PDSS2: variants seen among roughly 807,000 people sequenced by gnomAD.
PDSS2 encodes all trans-polyprenyl-diphosphate synthase PDSS2.
In PDSS2, 31 loss-of-function variants were observed where a neutral mutation model predicts 44.5. The observed-to-expected ratio is 0.70, with a 90% CI of 0.52 to 0.94. The LOEUF is 0.94. Ranked by LOEUF, PDSS2 falls within the 40% of genes least tolerant of loss-of-function variation. PDSS2 has a pLI of 0.00. For synonymous variants in PDSS2, 157 were observed against 180.3 expected (o/e 0.87, Z 1.03); for missense variants, 452 against 482.2 (o/e 0.94, Z 0.59).
At chr6:107,206,143 C>T (rs904565665) in intron 6 of PDSS2, among the ~76,000 whole-genome samples, 3 of 152,214 alleles carry the variant, frequency 2.0e-5, no homozygotes, top group African/African-American at 7.2e-5. Context: ...GCGATCTTGG[C>T]TCACTGCAAC....
chr6:107,207,402 T>C (rs950640663), intron 6 of PDSS2, among the ~76,000 whole-genome samples: 2 of 152,036 alleles, frequency 1.3e-5, no homozygotes, highest in African/African-American at 4.8e-5. Flanking sequence ...GTAAATAACA[T>C]GAAAAAATCA....
chr6:107,222,397 G>A (rs1463707151), intron 4 of PDSS2, among the ~76,000 whole-genome samples: 4 of 152,088 alleles, frequency 2.6e-5, no homozygotes, highest in African/African-American at 9.7e-5. Flanking sequence ...GCTCACACTT[G>A]TAATCCCAGC....
At chr6:107,257,576 A>G (rs1424813445) in intron 3 of PDSS2, among the ~76,000 whole-genome samples, 1 of 152,012 alleles carries the variant, frequency 6.6e-6, no homozygotes. Flanking sequence ...TAATGGACAT[A>G]CTTGGGTTAG....
chr6:107,353,421 T>C (rs1015484511), intron 1 of PDSS2, among the ~76,000 whole-genome samples: 1 of 152,212 alleles, frequency 6.6e-6, no homozygotes, highest in Non-Finnish European at 1.5e-5. Flanking sequence ...CTTTAAAAAG[T>C]CATAACCATT....
chr6:107,181,805 G>T (rs1173604010), intron 7 of PDSS2, among the ~76,000 whole-genome samples: 1 of 150,492 alleles, frequency 6.6e-6, no homozygotes, highest in Non-Finnish European at 1.5e-5. Flanking sequence ...CAGGAGAATC[G>T]CTTGAACCCA....
intron 1 of PDSS2, among the ~76,000 whole-genome samples, chr6:107,342,105 G>A (rs1778098961): frequency 6.6e-6 from 1 of 151,790 alleles, no homozygotes; most frequent in Non-Finnish European, 1.5e-5. Context: ...GGACTCCCTG[G>A]CAAGGTTGTG....
chr6:107,196,767 T>G (rs1772576239), intron 6 of PDSS2, among the ~76,000 whole-genome samples: 1 of 152,146 alleles, frequency 6.6e-6, no homozygotes, highest in South Asian at 2.1e-4. Context: ...GATTAGAAGG[T>G]TAGGGCTTTC....
At chr6:107,309,673 C>T (rs985547079) in intron 2 of PDSS2, among the ~76,000 whole-genome samples, 3 of 152,096 alleles carry the variant, frequency 2.0e-5, no homozygotes, top group Non-Finnish European at 2.9e-5. Context: ...GCTGTCATTG[C>T]GAATCCTTGA....
intron 2 of PDSS2, among the ~76,000 whole-genome samples, chr6:107,278,432 C>G (rs553996093): frequency 6.6e-6 from 1 of 152,240 alleles, no homozygotes; most frequent in East Asian, 1.9e-4. Context: ...TATTTTATTA[C>G]TATCCTGCGA....
chr6:107,208,431 A>C lies in PDSS2; in HGVS notation c.1008+2008T>G, dbSNP rs1464336735. ...TGTGCCTCAGCCACCTGAGAAGCTG[A>C]GATTACAGGCGTGCACCACCACACC... On this transcript the variant is annotated intron_variant, in intron 6 of 7. Transcript: ENST00000369037. 2.0e-5 allele frequency among the ~76,000 whole-genome samples: 3 copies of C among 150,322 alleles called. No individual in the cohort carries two copies. In the Admixed American group the frequency reaches 2.0e-4, roughly 10 times the overall value.
intron 1 of PDSS2, among the ~76,000 whole-genome samples, chr6:107,347,283 G>C (rs1353615903): frequency 9.6e-6 from 1 of 104,112 alleles, no homozygotes; most frequent in East Asian, 3.1e-4. Context: ...TTTTTTTTGA[G>C]ACGGAGTCTC....
intron 1 of PDSS2, among the ~76,000 whole-genome samples, chr6:107,389,228 G>T (rs1779706745): frequency 6.6e-6 from 1 of 152,030 alleles, no homozygotes; most frequent in Admixed American, 6.6e-5. Context: ...TGTATAAAAA[G>T]TTTAAAAAAT....
intron 2 of PDSS2, among the ~76,000 whole-genome samples, chr6:107,317,306 A>G (rs952744374): frequency 7.2e-5 from 11 of 152,204 alleles, no homozygotes; most frequent in African/African-American, 2.7e-4. Context: ...TAATAACAGA[A>G]AAAAAGCACA....
chr6:107,219,718 T>C (rs1279317093), intron 4 of PDSS2, among the ~76,000 whole-genome samples: 1 of 152,242 alleles, frequency 6.6e-6, no homozygotes, highest in African/African-American at 2.4e-5. Context: ...TAATTCTCTC[T>C]GAACTGTATG....
At chr6:107,431,577 A>G (rs928531245) in intron 1 of PDSS2, among the ~76,000 whole-genome samples, 1 of 152,152 alleles carries the variant, frequency 6.6e-6, no homozygotes, top group Non-Finnish European at 1.5e-5. Flanking sequence ...TAACAATCAT[A>G]ATACTGCACT....
At chr6:107,223,952 G>A (rs1773701918) in intron 4 of PDSS2, among the ~76,000 whole-genome samples, 2 of 151,216 alleles carry the variant, frequency 1.3e-5, no homozygotes, top group Admixed American at 6.6e-5. Flanking sequence ...ATTACTGCCT[G>A]AGCTCCACCT....
intron 7 of PDSS2, among the ~76,000 whole-genome samples, chr6:107,159,699 T>A (rs1014579005): frequency 5.9e-5 from 9 of 151,818 alleles, no homozygotes; most frequent in African/African-American, 2.2e-4. Context: ...ATTACAGGCG[T>A]GAGCCACTGC....
chr6:107,201,390 C>CAAAAAAAAAA (rs747612959), intron 6 of PDSS2, among the ~76,000 whole-genome samples: 535 of 51,496 alleles, frequency 0.01, 4 homozygotes, highest in Middle Eastern at 0.045. Context: ...CATACAAAAG[C>CAAAAAAAAAA]AAAAAAAAAA....
chr6:107,346,895 A>C lies in PDSS2; in HGVS notation c.297-12563T>G, dbSNP rs6900845. Among the ~76,000 whole-genome samples the C allele has an allele frequency of 7.1e-3, 1,084 of 152,356 alleles. 18 individuals are homozygous for C. Among genetic ancestry groups the C allele is most frequent in the African/African-American group, 0.025 (1,022 of 41,588 alleles). On this transcript the variant is annotated intron_variant, in intron 1 of 7. Transcript: ENST00000369037. Reference sequence around the variant, plus strand: ...TCTGGTGTATTGATAGAGTTCGACCAGCAGAGGTGTGCAGGCTCCTGCTTT... The same window carrying C: ...TCTGGTGTATTGATAGAGTTCGACCCGCAGAGGTGTGCAGGCTCCTGCTTT...
Sources: gnomAD v4.1 joint callset for allele counts (sites outside exome capture counted in the v4.1 genomes callset) on GRCh38, gnomAD v4.1.1 for gene constraint, MANE v1.5 for transcripts, NCBI Gene and HGNC (gene_info 2026-07-23, HGNC 2026-07-21) for gene names.